The following IST1 variants were observed in gnomAD, a reference collection of about 807,000 sequenced individuals.
IST1 encodes IST1 homolog.
Under a neutral mutation model 37.0 loss-of-function variants are expected in IST1, and 23 were observed. The observed-to-expected ratio is 0.62, with a 90% CI of 0.45 to 0.88. The LOEUF is 0.88. Among genes scored for constraint, IST1 ranks in the 40% least tolerant of loss-of-function variants. The pLI, the probability that IST1 is intolerant of heterozygous loss-of-function variation, is 0.00. For synonymous variants in IST1, 180 were observed against 161.7 expected (o/e 1.11, Z -0.86); for missense variants, 488 against 445.4 (o/e 1.10, Z -0.86).
In IST1 at chr16:71,929,207, G is replaced by A. The variant is rs866992596; in HGVS notation, c.*1394G>A. 4 of 198,234 alleles carry A rather than the reference G, an allele frequency of 2.0e-5. No individual in the cohort carries two copies. The highest frequency in any genetic ancestry group is 5.3e-5 in the Admixed American group (1 of 18,906). The allele number at this position is 198,234 out of a possible 1,614,324, so 12.3% of individuals were successfully genotyped here. On this transcript the variant is annotated 3_prime_UTR_variant, in exon 10 of 10. Coordinates refer to ENST00000378799, the MANE Select transcript of IST1 (RefSeq NM_001270975.2). ...TGGTCTTCCTCAGTGGCAGGGCTCC[G>A]CATCTGCCATGCCTCATCCTTGGAT... is the stretch of plus-strand genomic sequence containing the variant.
At chr16:71,908,192 T>C (rs961111698) in intron 1 of IST1, among the ~76,000 whole-genome samples, 5 of 151,896 alleles carry the variant, frequency 3.3e-5, no homozygotes, top group African/African-American at 7.2e-5. Flanking sequence ...TCCACCCGCC[T>C]CTGCCTCCCA....
rs1033633326 is a variant in IST1, at chr16:71,930,728, AAT to A, written c.*2918_*2919del. 13 of 152,180 alleles carry A rather than the reference AAT, an allele frequency of 8.5e-5. No homozygotes were observed. Among genetic ancestry groups the A allele is most frequent in the African/African-American group, 3.1e-4 (13 of 41,434 alleles). 9.4% of individuals were successfully genotyped at this position (152,180 alleles called of 1,614,324 possible). A position where few individuals can be genotyped will look rare whatever the true frequency, so the allele number is the denominator to read the frequency against. The stretch of plus-strand genomic sequence containing the variant: ...CATTCTTTACTTTTCTGCATACATA[AAT>A]ATCAAGTTCTGGGCTTATTGGAATG... On this transcript the variant is annotated 3_prime_UTR_variant, in exon 10 of 10. Transcript: ENST00000378799.
chr16:71,922,901 CTT>C (rs910310660), intron 7 of IST1: 8 of 590,782 alleles, frequency 1.4e-5, no homozygotes, highest in Non-Finnish European at 2.1e-5. Flanking sequence ...TAGAAAAACA[CTT>C]TTCATATAGG....
chr16:71,910,727 C>T (rs2037335502), intron 1 of IST1, among the ~76,000 whole-genome samples: 2 of 152,168 alleles, frequency 1.3e-5, no homozygotes, highest in South Asian at 2.1e-4. Flanking sequence ...TACTACTGTA[C>T]TTCATAAGGG....
chr16:71,917,827 C>T (rs1374534866), intron 4 of IST1, among the ~76,000 whole-genome samples: 3 of 151,882 alleles, frequency 2.0e-5, no homozygotes, highest in African/African-American at 2.4e-5. Context: ...TTCATGGCTA[C>T]AATTTTTTCT....
intron 1 of IST1, chr16:71,903,572 T>C (rs2037156192): frequency 6.6e-6 from 1 of 152,192 alleles, no homozygotes; most frequent in Non-Finnish European, 1.5e-5. Flanking sequence ...GTTTTCCTCT[T>C]CTTTAAAAAT....
At position 71,915,701 on chromosome 16, in the gene IST1, C is replaced by A; in HGVS notation, c.61C>A (p.Arg21Ser). Residue 21 changes from arginine (R) to serine (S), a missense_variant, in exon 2 of 10, where the codon CGC (arginine) becomes AGC (serine). This residue lies in a region of IST1 where 33 missense variants were observed against 59.3 expected (regional missense o/e 0.56). Transcript: ENST00000378799. ...AGTGAATTTGAGATTAGTCATAAAT[C>A]GCCTTAAACTATTGGAGAAAAAGAA... Reference protein sequence around the residue: ...LRVNLRLVINRLKLLEKKKTE... With the variant: ...LRVNLRLVINSLKLLEKKKTE... The A allele has an allele frequency of 1.9e-6, 3 of 1,612,396 alleles. No individual in the cohort carries two copies. Among genetic ancestry groups the A allele is most frequent in the Non-Finnish European group, 2.5e-6 (3 of 1,178,912 alleles).
intron 7 of IST1, chr16:71,922,944 T>G (rs927088818): frequency 1.9e-6 from 1 of 535,438 alleles, no homozygotes; most frequent in Non-Finnish European, 3.3e-6. Context: ...TCTGTTATAG[T>G]CATACTAGTA....
intron 1 of IST1, chr16:71,903,344 C>A (rs1044747111): frequency 1.3e-5 from 2 of 152,130 alleles, no homozygotes; most frequent in African/African-American, 4.8e-5. Flanking sequence ...TTAGCTACAT[C>A]CCACAAATTC....
At chr16:71,914,125 G>GTTT (rs2037418320) in intron 1 of IST1, among the ~76,000 whole-genome samples, 1 of 93,104 alleles carries the variant, frequency 1.1e-5, no homozygotes, top group Non-Finnish European at 2.2e-5. Flanking sequence ...GTTGTTTGTT[G>GTTT]TTTTTCCAGT....
rs570578939 is a variant in IST1, at chr16:71,930,064, T to A, written c.*2251T>A. 74 of 1,548,890 alleles carry A rather than the reference T, an allele frequency of 4.8e-5. No individual in the cohort carries two copies. Among genetic ancestry groups the A allele is most frequent in the African/African-American group, 1.6e-4 (12 of 72,944 alleles). ...TTTAGTTACCTACCTTAAGCGACTT[T>A]CTTTCTTTTCCAAAGGCCATGAGAA... On this transcript the variant is annotated 3_prime_UTR_variant, in exon 10 of 10. Coordinates refer to ENST00000378799, the MANE Select transcript of IST1 (RefSeq NM_001270975.2).
chr16:71,917,807 TA>T (rs1199416468), intron 4 of IST1, among the ~76,000 whole-genome samples: 2 of 152,224 alleles, frequency 1.3e-5, no homozygotes, highest in African/African-American at 2.4e-5. Context: ...GAATATTTTT[TA>T]TGGTTTGTTT....
chr16:71,917,856 A>G (rs1032181338), intron 4 of IST1, among the ~76,000 whole-genome samples: 3 of 151,984 alleles, frequency 2.0e-5, no homozygotes, highest in Non-Finnish European at 4.4e-5. Context: ...GAGGATATTA[A>G]TTATGGTTTA....
chr16:71,921,647 G>C, intron 6 of IST1, 194 bp downstream of exon 6: 2 of 522,784 alleles, frequency 3.8e-6, no homozygotes, highest in East Asian at 3.1e-5. Context: ...ACAACACTTT[G>C]AGAAGGTCAA....
rs2037482245 is a variant in IST1 at position 71,917,100 on chromosome 16, C to G, written c.323C>G (p.Pro108Arg). 6.2e-7 allele frequency: 1 copy of G among 1,612,428 alleles called. No homozygotes were observed. The highest frequency in any genetic ancestry group is 8.5e-7 in the Non-Finnish European group (1 of 1,179,120). The change falls in exon 4 of 10, where the codon CCT becomes CGT. Residue 108 changes from proline (P) to arginine (R), a missense_variant. Coordinates refer to ENST00000378799, the MANE Select transcript of IST1 (RefSeq NM_001270975.2). ...ESVSTLIWAA[P>R]RLQSEVAELK... ...GTGTCTACATTGATCTGGGCTGCTC[C>G]TCGACTCCAGTCAGAAGTGGCTGAG...
chr16:71,910,111 A>G (rs1249004076), intron 1 of IST1, among the ~76,000 whole-genome samples: 1 of 152,182 alleles, frequency 6.6e-6, no homozygotes, highest in Non-Finnish European at 1.5e-5. Flanking sequence ...GGTTTCAGCT[A>G]CTTTGGTCAA....
chr16:71,912,261 G>A (rs942308983), intron 1 of IST1, among the ~76,000 whole-genome samples: 44 of 151,320 alleles, frequency 2.9e-4, no homozygotes, highest in African/African-American at 7.5e-4. Flanking sequence ...TTTTTGAGAC[G>A]GAATCTCGCT....
chr16:71,924,040 T>A (rs8056992), intron 8 of IST1: 26 of 445,864 alleles, frequency 5.8e-5, no homozygotes, highest in Middle Eastern at 3.3e-4. Flanking sequence ...TAGGAAGATC[T>A]TCCTGTTCCT....
upstream of IST1, chr16:71,894,435 G>C (rs149376447): frequency 6.9e-5 from 11 of 160,100 alleles, no homozygotes; most frequent in East Asian, 1.1e-3. Context: ...TAGTAGAGAC[G>C]GGGTTCCTCT....
Sources: allele counts gnomAD v4.1 joint callset (sites outside exome capture counted in the v4.1 genomes callset), GRCh38; gene constraint gnomAD v4.1.1; regional missense constraint gnomAD v4.1.1; transcripts MANE v1.5; gene names NCBI Gene and HGNC (gene_info 2026-07-23, HGNC 2026-07-21).